The following MRTFB variants were observed in gnomAD, a reference collection of about 807,000 sequenced individuals.
MRTFB encodes myocardin related transcription factor B.
In MRTFB, 29 loss-of-function variants were observed where a neutral mutation model predicts 104.2. The ratio of observed to expected loss-of-function variants is 0.28; its 90% CI spans 0.21 to 0.38. MRTFB has a LOEUF of 0.38. Ranked by LOEUF, MRTFB falls within the 10% of genes least tolerant of loss-of-function variation. The pLI is 1.00. For missense variants in MRTFB, 1,270 were observed against 1,341.6 expected (o/e 0.95, Z 0.83); for synonymous variants, 535 against 519.5 (o/e 1.03, Z -0.41).
intron 8 of MRTFB, among the ~76,000 whole-genome samples, chr16:14,232,220 A>G (rs921285326): frequency 6.6e-6 from 1 of 152,240 alleles, no homozygotes; most frequent in African/African-American, 2.4e-5. Context: ...ATCAGAATTC[A>G]AACATTTTAG....
chr16:14,058,971 C>T, the MRTFB span, among the ~76,000 whole-genome samples: 4 of 152,106 alleles, frequency 2.6e-5, no homozygotes, highest in East Asian at 1.9e-4. Flanking sequence ...CCGCCTGCCT[C>T]GGCCTCCCAA....
At position 14,122,421 on chromosome 16, in the gene MRTFB, C is replaced by G. The variant is rs542150904; in HGVS notation, c.-63-18123C>G. Among the ~76,000 whole-genome samples, 39 of 152,226 alleles carry G rather than the reference C, an allele frequency of 2.6e-4. 3 individuals carry two copies. In the East Asian group the frequency reaches 2.9e-3, roughly 11 times the overall value. On this transcript the variant is annotated intron_variant, in intron 2 of 16. Coordinates refer to ENST00000571589, the MANE Select transcript of MRTFB (RefSeq NM_001308142.2). ...CCTACCTTAGGTATTTCTCCTAATG[C>G]TATCCCTCCCCTAGCCCCCTACCCT...
At chr16:14,203,647 C>A (rs1254953940) in intron 3 of MRTFB, among the ~76,000 whole-genome samples, 2 of 151,596 alleles carry the variant, frequency 1.3e-5, no homozygotes, top group East Asian at 3.9e-4. Flanking sequence ...ATTAAAAATA[C>A]AACAGATTAG....
At chr16:14,102,098 T>C (rs2035733532) in intron 2 of MRTFB, among the ~76,000 whole-genome samples, 1 of 151,982 alleles carries the variant, frequency 6.6e-6, no homozygotes, top group South Asian at 2.1e-4. Flanking sequence ...GGCAGAGGGT[T>C]TGTGTGTATT....
At chr16:14,238,141 G>A (rs1356727371) in intron 9 of MRTFB, among the ~76,000 whole-genome samples, 2 of 152,174 alleles carry the variant, frequency 1.3e-5, no homozygotes, top group Non-Finnish European at 2.9e-5. Context: ...TGCGGGGGAC[G>A]AGGTGGGTGG....
chr16:14,000,620 A>G, the MRTFB span, among the ~76,000 whole-genome samples: 1 of 152,184 alleles, frequency 6.6e-6, no homozygotes, highest in African/African-American at 2.4e-5. Flanking sequence ...AAGCAGTTTG[A>G]TTCCCTCTCT....
chr16:14,228,430 C>A (rs1307151956), intron 8 of MRTFB, among the ~76,000 whole-genome samples: 1 of 152,112 alleles, frequency 6.6e-6, no homozygotes, highest in African/African-American at 2.4e-5. Context: ...GAAAAATTAG[C>A]TGGGCGTGGT....
chr16:14,105,402 ATTT>A (rs141253931), intron 2 of MRTFB, among the ~76,000 whole-genome samples: 2 of 146,818 alleles, frequency 1.4e-5, no homozygotes, highest in Non-Finnish European at 1.5e-5. Context: ...TTCTCTTATG[ATTT>A]TTTTTTTTTT....
intron 3 of MRTFB, among the ~76,000 whole-genome samples, chr16:14,154,174 A>G (rs2038738316): frequency 6.6e-6 from 1 of 152,110 alleles, no homozygotes; most frequent in Non-Finnish European, 1.5e-5. Context: ...CTCTACAAAA[A>G]AATTTTAAAA....
chr16:14,124,337 T>C (rs1236147956), intron 2 of MRTFB, among the ~76,000 whole-genome samples: 1 of 152,232 alleles, frequency 6.6e-6, no homozygotes, highest in East Asian at 1.9e-4. Flanking sequence ...ATCCTTGTCT[T>C]GTGCCAGTTT....
At chr16:14,115,186 G>A (rs774301130) in intron 2 of MRTFB, among the ~76,000 whole-genome samples, 4 of 152,210 alleles carry the variant, frequency 2.6e-5, no homozygotes, top group South Asian at 2.1e-4. Context: ...ATGCTACTGA[G>A]GGGAGGATCT....
At chr16:14,113,735 A>G (rs977719622) in intron 2 of MRTFB, among the ~76,000 whole-genome samples, 2 of 152,158 alleles carry the variant, frequency 1.3e-5, no homozygotes, top group Non-Finnish European at 2.9e-5. Context: ...TGGGTGATCA[A>G]TAGAGAACTC....
chr16:14,257,796 A>C (rs2043566942), intron 15 of MRTFB, among the ~76,000 whole-genome samples: 1 of 152,226 alleles, frequency 6.6e-6, no homozygotes, highest in Non-Finnish European at 1.5e-5. Flanking sequence ...ACCTAAATAC[A>C]AATGAATAAA....
chr16:14,260,681 C>CA (rs1567230530), intron 16 of MRTFB, among the ~76,000 whole-genome samples: 1 of 152,090 alleles, frequency 6.6e-6, no homozygotes. Flanking sequence ...AAATTTACAA[C>CA]AAAAAGGAAT....
At chr16:14,206,929 TAAA>T (rs572155149) in intron 3 of MRTFB, among the ~76,000 whole-genome samples, 1 of 137,924 alleles carries the variant, frequency 7.3e-6, no homozygotes, top group African/African-American at 2.7e-5. Context: ...AGATAAAAGC[TAAA>T]AAAAAAAAAA....
At chr16:14,066,339 T>C (rs1240568575), upstream of MRTFB, among the ~76,000 whole-genome samples, 1 of 151,888 alleles carries the variant, frequency 6.6e-6, no homozygotes, top group Non-Finnish European at 1.5e-5. Context: ...AGTCACGCGA[T>C]CTCGGCTCAC....
intron 3 of MRTFB, chr16:14,191,981 A>G (rs555886300): frequency 6.6e-6 from 1 of 152,208 alleles, no homozygotes; most frequent in East Asian, 1.9e-4. Flanking sequence ...GAATTTTGCA[A>G]CGTCTATTTT....
At chr16:14,237,542 A>G (rs867956555) in intron 9 of MRTFB, among the ~76,000 whole-genome samples, 7 of 152,234 alleles carry the variant, frequency 4.6e-5, no homozygotes, top group Admixed American at 2.0e-4. Context: ...TATTATAGAA[A>G]GCTTTTCTTG....
chr16:14,245,997 T>A (rs1004919493), intron 11 of MRTFB, among the ~76,000 whole-genome samples: 1 of 152,198 alleles, frequency 6.6e-6, no homozygotes, highest in African/African-American at 2.4e-5. Context: ...GCCAGCCTTT[T>A]TAGGTTTCTA....
Sources: gnomAD v4.1 joint callset for allele counts (sites outside exome capture counted in the v4.1 genomes callset) on GRCh38, gnomAD v4.1.1 for gene constraint, MANE v1.5 for transcripts, NCBI Gene and HGNC (gene_info 2026-07-23, HGNC 2026-07-21) for gene names.